The following IPO11 variants were observed in gnomAD, a reference collection of about 807,000 sequenced individuals.
IPO11 encodes the protein importin-11.
Under a neutral mutation model 143.2 loss-of-function variants are expected in IPO11, and 66 were observed. That is an observed-to-expected ratio of 0.46 (90% CI 0.38 to 0.57). The LOEUF is 0.57. IPO11 is among the 20% of genes least tolerant of loss of function. The pLI, the probability that IPO11 is intolerant of heterozygous loss-of-function variation, is 0.00. For synonymous variants in IPO11, 385 were observed against 377.8 expected, an observed-to-expected ratio of 1.02 and a Z score of -0.22; for missense variants, 1,026 against 1,141.0, an observed-to-expected ratio of 0.90 and a Z score of 1.45.
intron 3 of IPO11, among the ~76,000 whole-genome samples, chr5:62,443,985 A>G (rs1744608662): frequency 6.6e-6 from 1 of 152,220 alleles, no homozygotes; most frequent in African/African-American, 2.4e-5. Context: ...CTCAGTCTGA[A>G]TACTTCAAAA....
intron 27 of IPO11, among the ~76,000 whole-genome samples, chr5:62,586,309 C>T (rs1171389584): frequency 6.6e-6 from 1 of 152,102 alleles, no homozygotes; most frequent in East Asian, 1.9e-4. Context: ...TCAAATGCTT[C>T]TTGCAAACTT....
intron 5 of IPO11, among the ~76,000 whole-genome samples, chr5:62,461,654 A>G (rs1002606940): frequency 2.6e-5 from 4 of 152,160 alleles, no homozygotes; most frequent in Non-Finnish European, 5.9e-5. Flanking sequence ...TTTTGTTTTT[A>G]AATTTCCATA....
chr5:62,532,701 A>G (rs765700367), intron 22 of IPO11, among the ~76,000 whole-genome samples: 9 of 152,268 alleles, frequency 5.9e-5, no homozygotes, highest in Middle Eastern at 3.4e-3. Context: ...GCTGATGCAT[A>G]TTTCTTACCA....
intron 20 of IPO11, among the ~76,000 whole-genome samples, chr5:62,517,264 C>T (rs562004328): frequency 6.6e-6 from 1 of 152,126 alleles, no homozygotes; most frequent in Non-Finnish European, 1.5e-5. Flanking sequence ...CTTATGATTA[C>T]CTTATAAAGA....
chr5:62,496,282 T>C (rs1741150368), intron 16 of IPO11, among the ~76,000 whole-genome samples: 1 of 148,650 alleles, frequency 6.7e-6, no homozygotes, highest in Non-Finnish European at 1.5e-5. Context: ...AGAGACTGTG[T>C]CTCAAAAAAA....
chr5:62,418,608 T>G (rs1478945093), intron 1 of IPO11, among the ~76,000 whole-genome samples: 2 of 152,204 alleles, frequency 1.3e-5, no homozygotes, highest in Admixed American at 1.3e-4. Flanking sequence ...GTGAGCCCTT[T>G]TAGATTGGCA....
At chr5:62,544,838 C>G (rs538381431) in intron 24 of IPO11, among the ~76,000 whole-genome samples, 1 of 152,204 alleles carries the variant, frequency 6.6e-6, no homozygotes, top group East Asian at 1.9e-4. Flanking sequence ...GAGTGAACTC[C>G]CATTCACAGT....
intron 11 of IPO11, 37 bp from the exon 12 acceptor site, chr5:62,485,382 T>A (rs1746361834): frequency 3.3e-6 from 5 of 1,511,272 alleles, no homozygotes; most frequent in Non-Finnish European, 4.6e-6. Context: ...TAAACCAAGA[T>A]GTTGAAAATG....
chr5:62,519,525 C>A (rs1039385833), intron 20 of IPO11, among the ~76,000 whole-genome samples: 1 of 152,158 alleles, frequency 6.6e-6, no homozygotes, highest in African/African-American at 2.4e-5. Flanking sequence ...CCTTCCTATT[C>A]CACTATCCTC....
intron 18 of IPO11, 39 bp from the exon 19 acceptor site, chr5:62,506,202 A>T: frequency 3.5e-6 from 4 of 1,153,780 alleles, no homozygotes; most frequent in Non-Finnish European, 5.1e-6. Flanking sequence ...TTTCATTTCT[A>T]TTATAAACCT....
chr5:62,615,093 CTATATAGG>C (rs1368727119), intron 29 of IPO11, among the ~76,000 whole-genome samples: 5 of 152,080 alleles, frequency 3.3e-5, no homozygotes, highest in African/African-American at 1.2e-4. Context: ...GGATTGCGGT[CTATATAGG>C]TACAGGATAA....
intron 28 of IPO11, among the ~76,000 whole-genome samples, chr5:62,597,464 G>A (rs777709407): frequency 6.6e-6 from 1 of 152,150 alleles, no homozygotes; most frequent in Non-Finnish European, 1.5e-5. Context: ...GAGCAGAAAC[G>A]GGAAAGTGAG....
At chr5:62,416,593 C>T (rs199532827) in intron 1 of IPO11, among the ~76,000 whole-genome samples, 65 of 152,150 alleles carry the variant, frequency 4.3e-4, no homozygotes, top group East Asian at 9.6e-4. Context: ...ACTGAGGGTT[C>T]GGGGGTTAGG....
intron 19 of IPO11, among the ~76,000 whole-genome samples, chr5:62,513,218 C>G (rs1256854984): frequency 2.7e-5 from 4 of 150,330 alleles, no homozygotes. Flanking sequence ...GGGGCGCTGA[C>G]CCCCCCATCT....
intron 2 of IPO11, 123 bp from the exon 3 acceptor site, chr5:62,442,860 C>T: frequency 4.8e-6 from 1 of 208,402 alleles, no homozygotes; most frequent in East Asian, 8.6e-5. Flanking sequence ...GTGAAACTGT[C>T]TCAAAAACAA....
intron 13 of IPO11, 100 bp downstream of exon 13, chr5:62,487,961 C>T (rs1027655758): frequency 3.1e-6 from 3 of 956,196 alleles, no homozygotes; most frequent in South Asian, 2.0e-5. Context: ...TTTCCTGGGT[C>T]ATATAATAAA....
At chr5:62,600,108 G>A (rs1285197736) in intron 28 of IPO11, among the ~76,000 whole-genome samples, 2 of 152,142 alleles carry the variant, frequency 1.3e-5, no homozygotes, top group Non-Finnish European at 2.9e-5. Flanking sequence ...GCACGATCTT[G>A]GCTCACTGCA....
chr5:62,609,057 A>G (rs1484051891), intron 29 of IPO11, among the ~76,000 whole-genome samples: 1 of 152,164 alleles, frequency 6.6e-6, no homozygotes, highest in Non-Finnish European at 1.5e-5. Flanking sequence ...TGTTGCAGCT[A>G]ATGTGTGTTG....
In IPO11 at chr5:62,548,487, G is replaced by A. The variant is rs765237652; in HGVS notation, c.2251-1880G>A. ...TAAATGCATTCCATTGGGCACTGAT[G>A]GGCTCTTATAGTCTGGAAGCAATCT... On this transcript the variant is annotated intron_variant, in intron 24 of 29. Coordinates refer to ENST00000325324, the MANE Select transcript of IPO11 (RefSeq NM_016338.5). Among the ~76,000 whole-genome samples the A allele has an allele frequency of 9.2e-5, 14 of 152,008 alleles. 1 individual carries two copies. Among genetic ancestry groups the A allele is most frequent in the Non-Finnish European group, 1.5e-5 (1 of 67,982 alleles).
Sources: gnomAD v4.1 joint callset for allele counts (sites outside exome capture counted in the v4.1 genomes callset) on GRCh38, gnomAD v4.1.1 for gene constraint, MANE v1.5 for transcripts, NCBI Gene and HGNC (gene_info 2026-07-23, HGNC 2026-07-21) for gene names.